The following PDE3B variants were observed in gnomAD, a reference collection of about 807,000 sequenced individuals.
The protein encoded by PDE3B is phosphodiesterase 3B.
In PDE3B, 66 loss-of-function variants were observed where a neutral mutation model predicts 116.8. That is an observed-to-expected ratio of 0.56 (90% CI 0.46 to 0.69). The LOEUF is 0.69. Ranked by LOEUF, PDE3B falls within the 30% of genes least tolerant of loss-of-function variation. The probability of loss-of-function intolerance (pLI) is 0.00; values close to 1 mark genes in which losing one functional copy is unlikely to be tolerated. For synonymous variants in PDE3B, 595 were observed against 533.6 expected (o/e 1.12, Z -1.59); for missense variants, 1,384 against 1,368.1 (o/e 1.01, Z -0.18).
chr11:14,685,446 C>CTTTTTTTTTTTTTTT (rs71044017), intron 1 of PDE3B, among the ~76,000 whole-genome samples: 1 of 86,334 alleles, frequency 1.2e-5, no homozygotes, highest in African/African-American at 3.6e-5. Context: ...TTTTTCTCAT[C>CTTTTTTTTTTTTTTT]TTTTTTTTTT....
chr11:14,793,476 T>C (rs1405531856), intron 4 of PDE3B, among the ~76,000 whole-genome samples: 1 of 152,188 alleles, frequency 6.6e-6, no homozygotes, highest in Non-Finnish European at 1.5e-5. Context: ...TGCAGAGTCA[T>C]GTTTATACTC....
intron 1 of PDE3B, among the ~76,000 whole-genome samples, chr11:14,757,162 A>G (rs958346839): frequency 1.7e-4 from 26 of 151,932 alleles, no homozygotes; most frequent in Non-Finnish European, 2.9e-4. Flanking sequence ...ATAGTACTCC[A>G]TGGTGTATAT....
At chr11:14,667,566 T>G (rs927545283) in intron 1 of PDE3B, among the ~76,000 whole-genome samples, 1 of 151,522 alleles carries the variant, frequency 6.6e-6, no homozygotes, top group Admixed American at 6.6e-5. Flanking sequence ...GAAACCATCA[T>G]TCTCAGCAAA....
chr11:14,740,127 G>A (rs575645563), intron 1 of PDE3B, among the ~76,000 whole-genome samples: 5 of 152,296 alleles, frequency 3.3e-5, no homozygotes, highest in African/African-American at 1.2e-4. Context: ...AAATGAGTTA[G>A]GGAGGATTTC....
rs373462389 is a variant in PDE3B at position 14,644,807 on chromosome 11, C to T, written c.732C>T (p.Leu244=). The part of the protein sequence containing the change: ...FTSLGSLPSA[L]RPLLSGLVGG... ...GCCTCGGGTCGCTGCCCTCCGCCCT[C>T]AGGCCGCTGCTCTCCGGCCTGGTGG... Residue 244 remains leucine, a synonymous_variant, in exon 1 of 16, where the codon CTC becomes CTT. Coordinates refer to ENST00000282096, the MANE Select transcript of PDE3B (RefSeq NM_000922.4). The T allele has an allele frequency of 5.2e-5, 83 of 1,611,488 alleles. No individual in the cohort carries two copies. The highest frequency in any genetic ancestry group is 6.3e-5 in the Non-Finnish European group (74 of 1,178,680).
chr11:14,897,774 C>G, the PDE3B span, among the ~76,000 whole-genome samples: 3 of 152,100 alleles, frequency 2.0e-5, no homozygotes, highest in Non-Finnish European at 4.4e-5. Context: ...TAATTTCTGT[C>G]CATCCTCAAA....
In PDE3B at chr11:14,813,717, A is replaced by G. The variant is rs142432047; in HGVS notation, c.1523-4466A>G. ...GTGATTATTCTGCTTACCACAGCCA[A>G]TCTTACACAACTCTTTCACTGAAAA... On this transcript the variant is annotated intron_variant, in intron 5 of 15. Coordinates refer to ENST00000282096, the MANE Select transcript of PDE3B (RefSeq NM_000922.4). Among the ~76,000 whole-genome samples the G allele has an allele frequency of 5.3e-3, 801 of 152,294 alleles. 6 individuals carry two copies. The highest frequency in any genetic ancestry group is 0.014 in the Middle Eastern group (4 of 294).
chr11:14,756,105 C>A (rs1159960522), intron 1 of PDE3B, among the ~76,000 whole-genome samples: 2 of 152,152 alleles, frequency 1.3e-5, no homozygotes, highest in African/African-American at 4.8e-5. Flanking sequence ...ATTGGTATAA[C>A]TGAAAATGGA....
At chr11:14,685,315 A>G (rs1014406706) in intron 1 of PDE3B, among the ~76,000 whole-genome samples, 2 of 151,952 alleles carry the variant, frequency 1.3e-5, no homozygotes, top group African/African-American at 4.8e-5. Flanking sequence ...GTACGAATCT[A>G]TTGCACCACT....
At chr11:14,658,396 G>A (rs573950318) in intron 1 of PDE3B, among the ~76,000 whole-genome samples, 14 of 151,300 alleles carry the variant, frequency 9.3e-5, no homozygotes, top group African/African-American at 2.2e-4. Flanking sequence ...TGCTCTTGTC[G>A]CCCAGGCTGA....
intron 12 of PDE3B, among the ~76,000 whole-genome samples, chr11:14,844,961 G>A (rs1345536856): frequency 5.3e-5 from 8 of 152,204 alleles, no homozygotes; most frequent in African/African-American, 1.7e-4. Flanking sequence ...AAATGTCCCC[G>A]TCTGACAGCT....
At chr11:14,693,077 C>G (rs1369008115) in intron 1 of PDE3B, among the ~76,000 whole-genome samples, 1 of 152,222 alleles carries the variant, frequency 6.6e-6, no homozygotes, top group African/African-American at 2.4e-5. Flanking sequence ...GATAGAAAAT[C>G]AAACCAGTCA....
intron 1 of PDE3B, among the ~76,000 whole-genome samples, chr11:14,672,005 A>C (rs1381198491): frequency 5.2e-5 from 7 of 134,470 alleles, no homozygotes; most frequent in Non-Finnish European, 8.0e-5. Flanking sequence ...TGACAGAGTG[A>C]GACCTTGTCT....
intron 1 of PDE3B, among the ~76,000 whole-genome samples, chr11:14,712,980 C>G (rs1439559169): frequency 2.0e-5 from 3 of 152,072 alleles, no homozygotes; most frequent in African/African-American, 2.4e-5. Context: ...TAAAGTTGTA[C>G]AAAGAATAAG....
At position 14,686,484 on chromosome 11, in the gene PDE3B, G is replaced by A. The variant is rs150494206; in HGVS notation, c.978+41431G>A. 4.7e-3 allele frequency among the ~76,000 whole-genome samples: 722 copies of A among 152,236 alleles called. 5 individuals are homozygous for A. The highest frequency in any genetic ancestry group is 0.015 in the African/African-American group (609 of 41,548). The stretch of plus-strand genomic sequence containing the variant: ...TGAAATAGTGGTGAACTTTTAAGAC[G>A]CAGAGGAAAGTTTTTCCTTTGGGGA... On this transcript the variant is annotated intron_variant, in intron 1 of 15. Transcript: ENST00000282096.
chr11:14,722,046 A>G (rs1015123639), intron 1 of PDE3B, among the ~76,000 whole-genome samples: 1 of 151,880 alleles, frequency 6.6e-6, no homozygotes, highest in African/African-American at 2.4e-5. Context: ...AGTCTCAGCA[A>G]ACTATCGCCA....
At chr11:14,866,334 C>T (rs1301536203) in intron 14 of PDE3B, among the ~76,000 whole-genome samples, 8 of 152,134 alleles carry the variant, frequency 5.3e-5, no homozygotes, top group African/African-American at 1.9e-4. Flanking sequence ...CAGAACTAAA[C>T]TTCTTTCTCA....
intron 1 of PDE3B, among the ~76,000 whole-genome samples, chr11:14,650,663 A>G (rs1185193602): frequency 1.3e-5 from 2 of 152,152 alleles, no homozygotes; most frequent in Non-Finnish European, 2.9e-5. Flanking sequence ...GGAGTAATAC[A>G]GTGTGATACA....
chr11:14,644,990 C>A lies in PDE3B; in HGVS notation c.915C>A (p.Ala305=). Reference sequence around the variant, plus strand: ...GCGTGTCGTTAGGAGAAACTGCAGCCAGTTACTATGGCAGTTGCAAAATAT... The same window carrying A: ...GCGTGTCGTTAGGAGAAACTGCAGCAAGTTACTATGGCAGTTGCAAAATAT... ...SSCVSLGETA[A]SYYGSCKIFR... is the part of the protein sequence containing the mutation. Residue 305 remains alanine, a synonymous_variant, in exon 1 of 16, where the codon GCC becomes GCA. Coordinates refer to ENST00000282096, the MANE Select transcript of PDE3B (RefSeq NM_000922.4). The A allele has an allele frequency of 6.2e-7, 1 of 1,613,750 alleles. No homozygotes were observed. The highest frequency in any genetic ancestry group is 8.5e-7 in the Non-Finnish European group (1 of 1,179,938).
Sources: allele counts gnomAD v4.1 joint callset (sites outside exome capture counted in the v4.1 genomes callset), GRCh38; gene constraint gnomAD v4.1.1; transcripts MANE v1.5; gene names NCBI Gene and HGNC (gene_info 2026-07-23, HGNC 2026-07-21).